Variants in ZNF423 observed in about 807,000 individuals in gnomAD.
ZNF423 encodes zinc finger protein 423, also known as Ebf-associated zinc finger protein.
A neutral mutation model predicts 95.8 loss-of-function variants in ZNF423; 12 were observed. The ratio of observed to expected loss-of-function variants is 0.13; its 90% confidence interval spans 0.08 to 0.20. The LOEUF is 0.20. Among genes scored for constraint, ZNF423 ranks in the 10% least tolerant of loss-of-function variants. The pLI is 1.00. For missense variants in ZNF423, 1,316 were observed against 1,737.1 expected, an observed-to-expected ratio of 0.76 and a Z score of 4.31; for synonymous variants, 749 against 711.9, an observed-to-expected ratio of 1.05 and a Z score of -0.83.
Position 49,525,513 on chromosome 16 carries a change from A to T in ZNF423, c.3602-19T>A, listed in dbSNP as rs1197755076. The T allele has an allele frequency of 6.2e-7, 1 of 1,613,696 alleles. No individual in the cohort carries two copies. Among genetic ancestry groups the T allele is most frequent in the Non-Finnish European group, 8.5e-7 (1 of 1,179,876 alleles). On this transcript the variant is annotated intron_variant, in intron 5 of 7. Coordinates refer to ENST00000563137, the MANE Select transcript of ZNF423 (RefSeq NM_001379286.1). The stretch of plus-strand genomic sequence containing the variant: ...CCTTCCTCTGCAAGGAAAACCCGTG[A>T]CCAGTCAGTGACCAGCATGCCATGT...
Position 49,830,822 on chromosome 16 carries a change from C to T in ZNF423, c.40+24913G>A, listed in dbSNP as rs2035053097. ...TGCTCAGCTAAGTTCTCTGCAGCCA[C>T]ACTCCTCCACACTTCTCATCCTAGG... On this transcript the variant is annotated intron_variant, in intron 1 of 7. Transcript: ENST00000563137. Among the ~76,000 whole-genome samples the T allele has an allele frequency of 2.0e-5, 3 of 152,164 alleles. No individual in the cohort carries two copies. In the South Asian group the frequency reaches 6.2e-4, roughly 32 times the overall value.
intron 3 of ZNF423, among the ~76,000 whole-genome samples, chr16:49,688,403 G>T (rs9937929): frequency 0.61 from 92,502 of 152,032 alleles, 29,816 homozygotes; most frequent in Non-Finnish European, 0.71. Flanking sequence ...AGACATAGGA[G>T]CCCGCCCTCT....
At chr16:49,711,462 T>C (rs530052229) in intron 3 of ZNF423, 5 of 152,346 alleles carry the variant, frequency 3.3e-5, no homozygotes, top group East Asian at 1.9e-4. Context: ...ATAGATCCAA[T>C]ATGGTATCAT....
intron 1 of ZNF423, among the ~76,000 whole-genome samples, chr16:49,807,023 A>T (rs4238812): frequency 0.72 from 105,823 of 147,870 alleles, 37,989 homozygotes; most frequent in South Asian, 0.78. Flanking sequence ...CAAGACTCTG[A>T]CTCCAAAAAA....
chr16:49,521,332 C>T (rs1968386695), intron 7 of ZNF423, among the ~76,000 whole-genome samples: 1 of 152,214 alleles, frequency 6.6e-6, no homozygotes, highest in South Asian at 2.1e-4. Flanking sequence ...TTAAAAGAGG[C>T]CTGACCTGTT....
intron 3 of ZNF423, among the ~76,000 whole-genome samples, chr16:49,670,975 C>T (rs977307397): frequency 2.1e-4 from 32 of 152,202 alleles, no homozygotes; most frequent in African/African-American, 7.0e-4. Context: ...AGGGGACAAA[C>T]CTCTCGAAGG....
chr16:49,509,283 C>A (rs1020888033), intron 7 of ZNF423, among the ~76,000 whole-genome samples: 2 of 152,192 alleles, frequency 1.3e-5, no homozygotes, highest in East Asian at 1.9e-4. Context: ...AAAGGAGACA[C>A]CAAACTGAAA....
At chr16:49,831,992 A>AAAT (rs1323302464) in intron 1 of ZNF423, among the ~76,000 whole-genome samples, 1 of 152,064 alleles carries the variant, frequency 6.6e-6, no homozygotes, top group African/African-American at 2.4e-5. Context: ...AAAAAAAAAA[A>AAAT]AAAAAGGAAG....
chr16:49,655,688 T>C (rs905859860), intron 3 of ZNF423, among the ~76,000 whole-genome samples: 1 of 152,178 alleles, frequency 6.6e-6, no homozygotes, highest in African/African-American at 2.4e-5. Context: ...TAAATTGCCA[T>C]GTCCTCTGTG....
At chr16:49,822,845 C>T in intron 1 of ZNF423, 1 of 796,570 alleles carries the variant, frequency 1.3e-6, no homozygotes, top group Non-Finnish European at 1.9e-6. Context: ...AACTGAGGCT[C>T]AGACTACTTA....
At chr16:49,586,010 C>T (rs1214714011) in intron 5 of ZNF423, among the ~76,000 whole-genome samples, 1 of 152,126 alleles carries the variant, frequency 6.6e-6, no homozygotes, top group South Asian at 2.1e-4. Flanking sequence ...AGACAGTGGG[C>T]TCCATTTCCT....
intron 1 of ZNF423, among the ~76,000 whole-genome samples, chr16:49,813,725 T>A (rs574400863): frequency 9.8e-5 from 15 of 152,320 alleles, no homozygotes; most frequent in African/African-American, 3.4e-4. Flanking sequence ...TGGCTTAAGT[T>A]GTCCAGAGTT....
intron 3 of ZNF423, among the ~76,000 whole-genome samples, chr16:49,706,165 GA>G (rs1226544864): frequency 1.3e-5 from 2 of 151,930 alleles, no homozygotes; most frequent in South Asian, 2.1e-4. Context: ...GCCACCCTAG[GA>G]AAAAAAATGA....
chr16:49,669,307 T>A (rs1354553492), intron 3 of ZNF423, among the ~76,000 whole-genome samples: 3 of 140,908 alleles, frequency 2.1e-5, no homozygotes, highest in African/African-American at 2.7e-5. Flanking sequence ...CCAGCCTGGA[T>A]AACAAGAGCG....
At position 49,855,818 on chromosome 16, in the gene ZNF423, C is replaced by T. The variant is rs921825346; in HGVS notation, c.-44G>A. On this transcript the variant is annotated 5_prime_UTR_variant, in exon 1 of 8. Coordinates refer to ENST00000563137, the MANE Select transcript of ZNF423 (RefSeq NM_001379286.1). This position sits in a 1 kb window ranked among gnomAD's most constrained non-coding sequence, Gnocchi z 4.7. ...TCCGTCGCCCTCCGCAGCCGGCTCC[C>T]CCCGCCGCCCCCCGCCGCTCCGGGC... 3 of 152,144 alleles carry T rather than the reference C, an allele frequency of 2.0e-5. No homozygotes were observed. Among genetic ancestry groups the T allele is most frequent in the Non-Finnish European group, 4.4e-5 (3 of 68,192 alleles). 9.4% of individuals were successfully genotyped at this position (152,144 alleles called of 1,614,324 possible). A position where few individuals can be genotyped will look rare whatever the true frequency, so the allele number is the denominator to read the frequency against.
At chr16:49,607,891 G>A (rs1159617592) in intron 5 of ZNF423, among the ~76,000 whole-genome samples, 1 of 152,196 alleles carries the variant, frequency 6.6e-6, no homozygotes, top group Non-Finnish European at 1.5e-5. Context: ...GTTAGTGCGA[G>A]AGCTGTCCTC....
At chr16:49,697,180 G>A in intron 3 of ZNF423, among the ~76,000 whole-genome samples, 1 of 152,156 alleles carries the variant, frequency 6.6e-6, no homozygotes, top group East Asian at 1.9e-4. Context: ...CAGGACAAGT[G>A]GTCAGAATAA....
At chr16:49,774,814 A>G (rs1422049308) in intron 2 of ZNF423, among the ~76,000 whole-genome samples, 3 of 152,192 alleles carry the variant, frequency 2.0e-5, no homozygotes, top group Non-Finnish European at 4.4e-5. Context: ...AGAGCTTCCC[A>G]AACTGTGTTC....
At chr16:49,584,530 T>C (rs146811256) in intron 5 of ZNF423, among the ~76,000 whole-genome samples, 29 of 152,288 alleles carry the variant, frequency 1.9e-4, no homozygotes, top group African/African-American at 7.0e-4. Flanking sequence ...AAGAACCACA[T>C]GAAGACTAGG....
Sources: gnomAD v4.1 joint callset for allele counts (sites outside exome capture counted in the v4.1 genomes callset) on GRCh38, gnomAD v4.1.1 for gene constraint, Gnocchi (gnomAD v3.1) non-coding constraint, MANE v1.5 for transcripts, NCBI Gene and HGNC (gene_info 2026-07-23, HGNC 2026-07-21) for gene names.